The following MME variants were observed in gnomAD, a reference collection of about 807,000 sequenced individuals.
MME encodes the protein neprilysin.
MME carries 98 observed loss-of-function variants against 113.2 expected under a neutral mutation model. That is an observed-to-expected ratio of 0.87 (90% CI 0.74 to 1.02). MME has a LOEUF of 1.02. Among genes scored for constraint, MME ranks in the 50% least tolerant of loss-of-function variants. The probability of loss-of-function intolerance (pLI) is 0.00; values close to 1 mark genes in which losing one functional copy is unlikely to be tolerated. For missense variants in MME, 836 were observed against 896.0 expected (o/e 0.93, Z 0.86); for synonymous variants, 292 against 300.6 (o/e 0.97, Z 0.30).
chr3:155,032,569 A>G (rs150465436), intron 1 of MME, among the ~76,000 whole-genome samples: 1 of 152,286 alleles, frequency 6.6e-6, no homozygotes, highest in East Asian at 1.9e-4. Flanking sequence ...AATCAGGGAG[A>G]TTTGAAATCT....
At chr3:155,029,684 T>C (rs556806281) in intron 1 of MME, among the ~76,000 whole-genome samples, 24 of 152,250 alleles carry the variant, frequency 1.6e-4, no homozygotes, top group Admixed American at 3.9e-4. Context: ...TTATATTTAA[T>C]ACTAACAATT....
At position 155,097,180 on chromosome 3, in the gene MME, G is replaced by C. The variant is rs529496769; in HGVS notation, c.196+12086G>C. ...TGAGATAGTTTAAATTTGAGATACT[G>C]GTACATATTCGATGTGGTAGAATTC... On this transcript the variant is annotated intron_variant, in intron 3 of 22. Coordinates refer to ENST00000360490, the MANE Select transcript of MME (RefSeq NM_007289.4). 8.5e-5 allele frequency among the ~76,000 whole-genome samples: 13 copies of C among 152,224 alleles called. No homozygotes were observed. The East Asian group carries it at 2.5e-3, about 29-fold the overall frequency.
chr3:155,142,662 A>G (rs1035633064), intron 12 of MME, among the ~76,000 whole-genome samples: 1 of 152,100 alleles, frequency 6.6e-6, no homozygotes, highest in African/African-American at 2.4e-5. Context: ...ATTTTAATTA[A>G]TTTGATTTTC....
chr3:155,123,860 T>G (rs1232423196), intron 8 of MME, among the ~76,000 whole-genome samples: 2 of 80,860 alleles, frequency 2.5e-5, no homozygotes, highest in Admixed American at 2.7e-4. Context: ...CATTTTTTCC[T>G]TCATTTCAAC....
At chr3:155,179,816 A>T (rs1398066676) in intron 22 of MME, among the ~76,000 whole-genome samples, 1 of 152,186 alleles carries the variant, frequency 6.6e-6, no homozygotes, top group Non-Finnish European at 1.5e-5. Context: ...CCAGCTTCTG[A>T]TATTTAAGGA....
chr3:155,178,142 G>T (rs1428334472), intron 22 of MME, among the ~76,000 whole-genome samples: 1 of 152,062 alleles, frequency 6.6e-6, no homozygotes, highest in Non-Finnish European at 1.5e-5. Context: ...CCTGACAAGT[G>T]GACTAATATA....
rs148706119 is a variant in MME, at chr3:155,129,880, A to T, written c.721-8222A>T. Among the ~76,000 whole-genome samples the T allele has an allele frequency of 1.7e-3, 257 of 152,310 alleles. 1 individual carries two copies. The highest frequency in any genetic ancestry group is 5.8e-3 in the African/African-American group (242 of 41,564). ...TCCCATTCACAAAATTTGTAAGTGA[A>T]ACCAACCAGCAACCTCATGTGAGAA... On this transcript the variant is annotated intron_variant, in intron 8 of 22. Coordinates refer to ENST00000360490, the MANE Select transcript of MME (RefSeq NM_007289.4).
At chr3:155,029,898 C>T (rs1712912131) in intron 1 of MME, among the ~76,000 whole-genome samples, 1 of 152,120 alleles carries the variant, frequency 6.6e-6, no homozygotes, top group Non-Finnish European at 1.5e-5. Context: ...ACTCATGACA[C>T]ATATAAATAT....
intron 3 of MME, among the ~76,000 whole-genome samples, chr3:155,113,955 C>T (rs1718388254): frequency 6.6e-6 from 1 of 152,022 alleles, no homozygotes; most frequent in Non-Finnish European, 1.5e-5. Context: ...AAAAGTGGTT[C>T]AATGGGGGGG....
intron 20 of MME, 79 bp downstream of exon 20, chr3:155,168,876 C>A: frequency 1.5e-5 from 19 of 1,274,214 alleles, no homozygotes; most frequent in South Asian, 4.0e-5. Flanking sequence ...AAACCTTTTG[C>A]AAAAAAAGAA....
At chr3:155,141,598 G>A (rs1338901825) in intron 10 of MME, among the ~76,000 whole-genome samples, 1 of 152,030 alleles carries the variant, frequency 6.6e-6, no homozygotes, top group Non-Finnish European at 1.5e-5. Context: ...GTGTTTGAAT[G>A]AATTGTTTAT....
At chr3:155,097,986 G>T (rs1223427737) in intron 3 of MME, among the ~76,000 whole-genome samples, 1 of 152,124 alleles carries the variant, frequency 6.6e-6, no homozygotes, top group Non-Finnish European at 1.5e-5. Context: ...AGATGCTAAG[G>T]ATACTTAGCA....
At chr3:155,091,037 G>A (rs1043781153) in intron 3 of MME, among the ~76,000 whole-genome samples, 1 of 152,218 alleles carries the variant, frequency 6.6e-6, no homozygotes, top group Admixed American at 6.5e-5. Context: ...TACTGGCCCT[G>A]TAGCAGCCTT....
chr3:155,035,790 G>A (rs1713108281), intron 1 of MME, among the ~76,000 whole-genome samples: 1 of 152,128 alleles, frequency 6.6e-6, no homozygotes, highest in Non-Finnish European at 1.5e-5. Flanking sequence ...GATGATGAGG[G>A]ACCTAGCTTC....
At chr3:155,066,765 C>T (rs756619485) in intron 1 of MME, among the ~76,000 whole-genome samples, 2 of 152,134 alleles carry the variant, frequency 1.3e-5, no homozygotes, top group Non-Finnish European at 2.9e-5. Context: ...TTGGTACTCT[C>T]ATCTGCTGAA....
chr3:155,094,583 A>C (rs1032744237), intron 3 of MME, among the ~76,000 whole-genome samples: 1 of 152,240 alleles, frequency 6.6e-6, no homozygotes, highest in Non-Finnish European at 1.5e-5. Flanking sequence ...AAGAAAAAAG[A>C]GAATGTGGTA....
chr3:155,180,544 C>G lies in MME; in HGVS notation c.*85C>G, dbSNP rs1029234621. ...TTCTCTAATCGAAAGAAAATGGGCC[C>G]TAGGGGTCACTGTACTGACTTGAGG... On this transcript the variant is annotated 3_prime_UTR_variant, in exon 23 of 23. Coordinates refer to ENST00000360490, the MANE Select transcript of MME (RefSeq NM_007289.4). 2 of 994,824 alleles carry G rather than the reference C, an allele frequency of 2.0e-6. No homozygotes were observed. The highest frequency in any genetic ancestry group is 1.6e-6 in the Non-Finnish European group (1 of 618,180). The allele number at this position is 994,824 out of a possible 1,614,324, so 61.6% of individuals were successfully genotyped here. A position where few individuals can be genotyped will look rare whatever the true frequency, so the allele number is the denominator to read the frequency against.
chr3:155,129,408 ACTT>A (rs1331877008), intron 8 of MME, among the ~76,000 whole-genome samples: 1 of 152,044 alleles, frequency 6.6e-6, no homozygotes, highest in Non-Finnish European at 1.5e-5. Flanking sequence ...TTAAAACCAA[ACTT>A]CTTATCGACT....
intron 8 of MME, among the ~76,000 whole-genome samples, chr3:155,134,238 A>T (rs1443123820): frequency 1.3e-5 from 2 of 152,072 alleles, no homozygotes; most frequent in African/African-American, 2.4e-5. Context: ...CCCATCACTG[A>T]GGTAGTGAGC....
Sources: allele counts gnomAD v4.1 joint callset (sites outside exome capture counted in the v4.1 genomes callset), GRCh38; gene constraint gnomAD v4.1.1; transcripts MANE v1.5; gene names NCBI Gene and HGNC (gene_info 2026-07-23, HGNC 2026-07-21).